The following SYT14 variants were observed in gnomAD, a reference collection of about 807,000 sequenced individuals.
The protein encoded by SYT14 is synaptotagmin-14.
SYT14 carries 32 observed loss-of-function variants against 74.2 expected under a neutral mutation model. The observed-to-expected ratio is 0.43, with a 90% CI of 0.33 to 0.58. SYT14 has a LOEUF of 0.58. SYT14 is among the 20% of genes least tolerant of loss of function. The probability of loss-of-function intolerance (pLI) is 0.05; values close to 1 mark genes in which losing one functional copy is unlikely to be tolerated. For synonymous variants in SYT14, 298 were observed against 337.7 expected (o/e 0.88, Z 1.29); for missense variants, 791 against 981.8 (o/e 0.81, Z 2.60).
At chr1:210,009,194 T>C (rs1254580814) in intron 2 of SYT14, among the ~76,000 whole-genome samples, 1 of 152,168 alleles carries the variant, frequency 6.6e-6, no homozygotes, top group Non-Finnish European at 1.5e-5. Context: ...TATTGCAGTT[T>C]TATGTACAGG....
intron 2 of SYT14, among the ~76,000 whole-genome samples, chr1:209,986,835 G>A (rs533162240): frequency 6.6e-6 from 1 of 152,006 alleles, no homozygotes; most frequent in East Asian, 2.0e-4. Context: ...TATTGGTCAG[G>A]CTGGTCTTGA....
intron 7 of SYT14, among the ~76,000 whole-genome samples, chr1:210,125,452 A>C (rs866927551): frequency 3.3e-5 from 5 of 152,266 alleles, no homozygotes; most frequent in Middle Eastern, 3.4e-3. Context: ...CTTCATGTGC[A>C]CTAAGAGGTA....
At chr1:210,024,623 A>G (rs1204708089) in intron 5 of SYT14, among the ~76,000 whole-genome samples, 1 of 152,184 alleles carries the variant, frequency 6.6e-6, no homozygotes, top group Non-Finnish European at 1.5e-5. Flanking sequence ...AAGGGCTGTC[A>G]AGCTTGTAAT....
chr1:209,961,203 G>A (rs1040425), intron 2 of SYT14, among the ~76,000 whole-genome samples: 28,433 of 151,962 alleles, frequency 0.19, 5,827 homozygotes, highest in African/African-American at 0.47. Flanking sequence ...TTTCTTTTGG[G>A]AACATAGTAG....
intron 2 of SYT14, among the ~76,000 whole-genome samples, chr1:210,010,777 A>G (rs571364220): frequency 3.3e-5 from 5 of 152,306 alleles, no homozygotes; most frequent in South Asian, 2.1e-4. Flanking sequence ...AAGCAGTATG[A>G]GTAGTATTTA....
exon 10 of SYT14, chr1:210,167,064 A>G (rs2083464042): frequency 6.6e-6 from 1 of 152,136 alleles, no homozygotes; most frequent in South Asian, 2.1e-4. Context: ...CCTTTCTATC[A>G]CTGTTCAAAT....
At chr1:210,057,678 T>G (rs1012666377) in intron 5 of SYT14, among the ~76,000 whole-genome samples, 25 of 152,254 alleles carry the variant, frequency 1.6e-4, no homozygotes, top group African/African-American at 6.0e-4. Flanking sequence ...TTGATTTTGT[T>G]AATGATTTAT....
chr1:209,995,628 T>C (rs921121117), intron 2 of SYT14, among the ~76,000 whole-genome samples: 3 of 152,250 alleles, frequency 2.0e-5, no homozygotes, highest in African/African-American at 2.4e-5. Context: ...ATTTGACCAA[T>C]TGGACCTCAT....
chr1:209,951,330 C>A (rs2078908951), intron 1 of SYT14, among the ~76,000 whole-genome samples: 1 of 152,144 alleles, frequency 6.6e-6, no homozygotes, highest in South Asian at 2.1e-4. Flanking sequence ...CCATTCTACT[C>A]TACATCTGTG....
At chr1:209,971,159 A>T (rs2079248939) in intron 2 of SYT14, among the ~76,000 whole-genome samples, 1 of 151,986 alleles carries the variant, frequency 6.6e-6, no homozygotes, top group Non-Finnish European at 1.5e-5. Flanking sequence ...TATGAAAGAG[A>T]TTGTTCTTGG....
intron 7 of SYT14, among the ~76,000 whole-genome samples, chr1:210,119,632 C>T (rs968310885): frequency 2.0e-5 from 3 of 152,040 alleles, no homozygotes; most frequent in African/African-American, 7.2e-5. Flanking sequence ...CATGATGAGC[C>T]AGTATATAAA....
At chr1:210,097,271 C>T (rs1000838451) in intron 6 of SYT14, among the ~76,000 whole-genome samples, 3 of 152,034 alleles carry the variant, frequency 2.0e-5, no homozygotes, top group African/African-American at 4.8e-5. Flanking sequence ...TATCTTAGAG[C>T]CTATCTACAT....
intron 7 of SYT14, among the ~76,000 whole-genome samples, chr1:210,152,191 A>G (rs2102702744): frequency 6.6e-6 from 1 of 152,298 alleles, no homozygotes; most frequent in Admixed American, 6.5e-5. Context: ...CCCATGACTT[A>G]AGAATATAAA....
intron 7 of SYT14, among the ~76,000 whole-genome samples, chr1:210,148,047 C>G (rs936996175): frequency 1.3e-5 from 2 of 152,012 alleles, no homozygotes; most frequent in African/African-American, 4.8e-5. Flanking sequence ...CTCACTCCAA[C>G]CCACCAAAAT....
At chr1:210,020,736 G>A (rs1402948525) in intron 4 of SYT14, among the ~76,000 whole-genome samples, 6 of 152,092 alleles carry the variant, frequency 3.9e-5, no homozygotes, top group Non-Finnish European at 8.8e-5. Context: ...AAATCCCTGT[G>A]ACTAACAAAC....
At chr1:209,956,742 C>T (rs890375360) in intron 2 of SYT14, among the ~76,000 whole-genome samples, 2 of 152,040 alleles carry the variant, frequency 1.3e-5, no homozygotes, top group African/African-American at 4.8e-5. Context: ...TAATGGTGAC[C>T]ATCTGGATAA....
intron 5 of SYT14, among the ~76,000 whole-genome samples, chr1:210,057,690 T>C (rs2081126187): frequency 6.6e-6 from 1 of 152,256 alleles, no homozygotes; most frequent in African/African-American, 2.4e-5. Flanking sequence ...ATGATTTATA[T>C]ATTTGGACTT....
intron 5 of SYT14, among the ~76,000 whole-genome samples, chr1:210,070,604 G>A (rs12057832): frequency 0.034 from 5,101 of 152,176 alleles, 595 homozygotes; most frequent in Admixed American, 0.23. Context: ...AAGGCCTATG[G>A]AGTTTAGTAA....
chr1:209,940,429 A>G (rs1458894748), intron 1 of SYT14, among the ~76,000 whole-genome samples: 1 of 152,126 alleles, frequency 6.6e-6, no homozygotes, highest in Non-Finnish European at 1.5e-5. Context: ...GGGGCCAAAA[A>G]GATAAGTAAG....
Sources: gnomAD v4.1 joint callset for allele counts (sites outside exome capture counted in the v4.1 genomes callset) on GRCh38, gnomAD v4.1.1 for gene constraint, MANE v1.5 for transcripts, NCBI Gene and HGNC (gene_info 2026-07-23, HGNC 2026-07-21) for gene names.